Variants in KLHL1 observed in about 807,000 individuals in gnomAD.
The protein encoded by KLHL1 is kelch-like protein 1.
A neutral mutation model predicts 77.7 loss-of-function variants in KLHL1; 47 were observed. That is an observed-to-expected ratio of 0.60 (90% confidence interval 0.48 to 0.77). The LOEUF (loss-of-function observed/expected upper bound fraction) is 0.77. Ranked by LOEUF, KLHL1 falls within the 30% of genes least tolerant of loss-of-function variation. The probability of loss-of-function intolerance (pLI) is 0.00; values close to 1 mark genes in which losing one functional copy is unlikely to be tolerated. For synonymous variants in KLHL1, 360 were observed against 325.2 expected (o/e 1.11, Z -1.15); for missense variants, 925 against 910.8 (o/e 1.02, Z -0.20).
intron 6 of KLHL1, among the ~76,000 whole-genome samples, chr13:69,802,458 C>T (rs1337637782): frequency 2.6e-5 from 4 of 151,976 alleles, no homozygotes; most frequent in Non-Finnish European, 5.9e-5. Context: ...TTGTCTTATG[C>T]CCAATTTCTG....
intron 1 of KLHL1, among the ~76,000 whole-genome samples, chr13:70,043,243 AAAAAAT>A (rs1251124714): frequency 1.3e-5 from 2 of 152,148 alleles, no homozygotes; most frequent in Non-Finnish European, 2.9e-5. Context: ...AAATACTAAA[AAAAAAT>A]AAAAATAAAA....
intron 1 of KLHL1, among the ~76,000 whole-genome samples, chr13:70,055,744 A>C (rs1886729278): frequency 1.3e-5 from 2 of 152,072 alleles, no homozygotes; most frequent in Admixed American, 1.3e-4. Context: ...GAGAGTTGTC[A>C]TCAGTTTAAA....
chr13:69,722,612 C>T (rs988710902), intron 8 of KLHL1, among the ~76,000 whole-genome samples: 3 of 151,918 alleles, frequency 2.0e-5, no homozygotes, highest in African/African-American at 7.2e-5. Flanking sequence ...TATCGCCTCA[C>T]TCCAGTTGCA....
chr13:69,798,657 T>C (rs900702954), intron 6 of KLHL1, among the ~76,000 whole-genome samples: 2 of 152,106 alleles, frequency 1.3e-5, no homozygotes, highest in African/African-American at 4.8e-5. Flanking sequence ...GTTTTATTCA[T>C]TTGACTTCAA....
At chr13:69,732,119 G>T (rs954834867) in intron 8 of KLHL1, among the ~76,000 whole-genome samples, 14 of 152,050 alleles carry the variant, frequency 9.2e-5, no homozygotes, top group African/African-American at 2.7e-4. Context: ...AAAATTTTAA[G>T]TCTGCATCGG....
At chr13:69,813,503 C>CACACACACACACACACACACACATAT (rs34163072) in intron 6 of KLHL1, among the ~76,000 whole-genome samples, 2 of 148,840 alleles carry the variant, frequency 1.3e-5, no homozygotes, top group African/African-American at 5.0e-5. Context: ...CACACACACA[C>CACACACACACACACACACACACATAT]ATATATATAT....
At chr13:69,928,251 CT>C (rs1163813345) in intron 4 of KLHL1, among the ~76,000 whole-genome samples, 3 of 152,192 alleles carry the variant, frequency 2.0e-5, no homozygotes, top group Non-Finnish European at 4.4e-5. Context: ...TCTTCATCTC[CT>C]TGTTCCATAA....
chr13:69,789,160 A>T lies in KLHL1; in HGVS notation c.1639+7578T>A, dbSNP rs565015421. ...TAAAATACTTTAATTAAATCATTGC[A>T]TGAATTTAATTTATTCCACAGGAAT... On this transcript the variant is annotated intron_variant, in intron 7 of 10. Coordinates refer to ENST00000377844, the MANE Select transcript of KLHL1 (RefSeq NM_020866.3). Among the ~76,000 whole-genome samples, 215 of 152,250 alleles carry T rather than the reference A, an allele frequency of 1.4e-3. 1 individual carries two copies. The highest frequency in any genetic ancestry group is 5.0e-3 in the African/African-American group (206 of 41,574).
intron 1 of KLHL1, among the ~76,000 whole-genome samples, chr13:70,047,400 T>C (rs1468447455): frequency 1.4e-5 from 1 of 70,540 alleles, no homozygotes; most frequent in East Asian, 2.6e-4. Context: ...GAAATCTGTT[T>C]GTGTGTGTGT....
intron 5 of KLHL1, among the ~76,000 whole-genome samples, chr13:69,880,877 AGTCAAAG>A (rs984350294): frequency 2.0e-5 from 3 of 152,182 alleles, no homozygotes; most frequent in African/African-American, 7.2e-5. Context: ...ACTGTGCCAG[AGTCAAAG>A]GTACCCACTG....
chr13:69,984,957 A>G (rs1884820921), intron 1 of KLHL1, among the ~76,000 whole-genome samples: 1 of 152,132 alleles, frequency 6.6e-6, no homozygotes. Flanking sequence ...AAAAAAATAG[A>G]AAAATTAGCC....
At chr13:70,072,331 G>C (rs893517756) in intron 1 of KLHL1, among the ~76,000 whole-genome samples, 3 of 152,100 alleles carry the variant, frequency 2.0e-5, no homozygotes, top group Non-Finnish European at 4.4e-5. Context: ...AGAATGCCCA[G>C]ATGTTTTTAC....
intron 5 of KLHL1, among the ~76,000 whole-genome samples, chr13:69,869,410 C>G: frequency 6.6e-6 from 1 of 152,076 alleles, no homozygotes; most frequent in East Asian, 1.9e-4. Context: ...AAGATTATTT[C>G]TAAGATACTA....
At chr13:69,883,619 C>T (rs1489096300) in intron 4 of KLHL1, among the ~76,000 whole-genome samples, 1 of 152,140 alleles carries the variant, frequency 6.6e-6, no homozygotes, top group African/African-American at 2.4e-5. Context: ...TTTATATAAC[C>T]TTGTATATCT....
Position 69,843,092 on chromosome 13 carries a change from T to C in KLHL1, c.1228-3930A>G, listed in dbSNP as rs117674296. The stretch of plus-strand genomic sequence containing the variant: ...CAAACTGAGTTAAAGGGTAAAACTC[T>C]CAGTAAGATAGAAGGATTAAATTCA... On this transcript the variant is annotated intron_variant, in intron 5 of 10. Transcript: ENST00000377844. Among the ~76,000 whole-genome samples the C allele has an allele frequency of 8.9e-3, 1,346 of 151,632 alleles. 15 individuals are homozygous for C. The highest frequency in any genetic ancestry group is 0.055 in the East Asian group (284 of 5,130).
intron 1 of KLHL1, among the ~76,000 whole-genome samples, chr13:70,072,685 GA>G (rs930306653): frequency 5.4e-5 from 8 of 149,372 alleles, no homozygotes; most frequent in South Asian, 2.1e-4. Context: ...ACAAACTGAA[GA>G]AAAAAAAAGG....
intron 5 of KLHL1, among the ~76,000 whole-genome samples, chr13:69,855,682 C>T (rs1879882332): frequency 6.6e-6 from 1 of 151,500 alleles, no homozygotes; most frequent in Non-Finnish European, 1.5e-5. Context: ...CTTCCCCTTC[C>T]CCTTCCGCCG....
At chr13:69,925,031 G>C (rs549298963) in intron 4 of KLHL1, among the ~76,000 whole-genome samples, 1 of 152,144 alleles carries the variant, frequency 6.6e-6, no homozygotes, top group African/African-American at 2.4e-5. Flanking sequence ...GCTTTCCCTT[G>C]GCAGGCATGG....
chr13:69,916,590 T>C (rs2138255169), intron 4 of KLHL1, among the ~76,000 whole-genome samples: 1 of 148,496 alleles, frequency 6.7e-6, no homozygotes, highest in Non-Finnish European at 1.5e-5. Context: ...GGGCCTGTTG[T>C]GGAGTGGGGG....
Sources: gnomAD v4.1 joint callset for allele counts (sites outside exome capture counted in the v4.1 genomes callset) on GRCh38, gnomAD v4.1.1 for gene constraint, MANE v1.5 for transcripts, NCBI Gene and HGNC (gene_info 2026-07-23, HGNC 2026-07-21) for gene names.